HEG1: variants seen among roughly 807,000 people sequenced by gnomAD.
HEG1 encodes the protein heart development protein with EGF like domains 1.
In HEG1, 56 loss-of-function variants were observed where a neutral mutation model predicts 125.6. The observed-to-expected ratio is 0.45, with a 90% confidence interval of 0.36 to 0.56. HEG1 has a LOEUF of 0.56. Among genes scored for constraint, HEG1 ranks in the 20% least tolerant of loss-of-function variants. HEG1 has a pLI of 0.00. For synonymous variants in HEG1, 644 were observed against 668.5 expected, an observed-to-expected ratio of 0.96 and a Z score of 0.57; for missense variants, 1,523 against 1,670.0, an observed-to-expected ratio of 0.91 and a Z score of 1.53.
In HEG1 at chr3:125,013,304, G is replaced by A. The variant is rs769716888; in HGVS notation, c.2275C>T (p.Gln759Ter). The A allele has an allele frequency of 1.2e-6, 2 of 1,614,006 alleles. No homozygotes were observed. The highest frequency in any genetic ancestry group is 1.7e-6 in the Non-Finnish European group (2 of 1,179,882). ...RARETPVTSF[Q>*]TSTMTSFMTM... The stretch of plus-strand genomic sequence containing the variant: ...ATGAATGATGTCATTGTTGATGTCT[G>A]AAATGAAGTCACAGGAGTCTCCCTT... Residue 759 changes from glutamine to a stop codon, truncating the protein, a stop_gained, in exon 6 of 17, where the codon CAG (glutamine) becomes TAG (stop). Transcript: ENST00000311127. LOFTEE classifies it high-confidence loss of function.
At chr3:125,014,843 C>T (rs1470703567) in intron 5 of HEG1, 6 of 1,289,880 alleles carry the variant, frequency 4.7e-6, no homozygotes, top group South Asian at 3.7e-5. Flanking sequence ...CCCCAGAAGT[C>T]GTGCTCATGC....
chr3:125,045,235 C>G (rs753232805), intron 1 of HEG1, among the ~76,000 whole-genome samples: 1 of 152,236 alleles, frequency 6.6e-6, no homozygotes, highest in Non-Finnish European at 1.5e-5. Flanking sequence ...GAAGCACCCA[C>G]TCGGAGAAAA....
At chr3:124,984,417 A>G (rs766481697) in intron 14 of HEG1, among the ~76,000 whole-genome samples, 22 of 152,212 alleles carry the variant, frequency 1.4e-4, no homozygotes, top group Non-Finnish European at 2.5e-4. Context: ...AAAGTAATCT[A>G]GGAGAATTAT....
chr3:124,977,728 A>G lies in HEG1; in HGVS notation c.3821+131T>C, dbSNP rs1294272304. 27 of 480,912 alleles carry G rather than the reference A, an allele frequency of 5.6e-5. No homozygotes were observed. The East Asian group carries it at 9.0e-4, about 16-fold the overall frequency. The allele number at this position is 480,912 out of a possible 1,614,324, so 29.8% of individuals were successfully genotyped here. On this transcript the variant is annotated intron_variant, in intron 15 of 16. Transcript: ENST00000311127. Reference sequence around the variant, plus strand: ...TCGTGAATTCCCTTTCTCCTTTTTTAAAAATGGGTTAGTCACACATTATGG... The same window carrying G: ...TCGTGAATTCCCTTTCTCCTTTTTTGAAAATGGGTTAGTCACACATTATGG...
chr3:124,980,546 T>C (rs904210318), intron 14 of HEG1, among the ~76,000 whole-genome samples: 1 of 152,150 alleles, frequency 6.6e-6, no homozygotes, highest in Non-Finnish European at 1.5e-5. Flanking sequence ...TTACAGACTC[T>C]GGCTCCATTG....
chr3:125,003,629 G>A (rs892995103), intron 9 of HEG1, among the ~76,000 whole-genome samples: 10 of 152,124 alleles, frequency 6.6e-5, no homozygotes, highest in Non-Finnish European at 1.3e-4. Context: ...GGTGGGGTTG[G>A]GTAACATGGT....
In HEG1 at chr3:125,019,408, T is replaced by C; in HGVS notation, c.1442A>G (p.Asn481Ser). The change falls in exon 5 of 17, where the codon AAT becomes AGT. Residue 481 changes from asparagine (N) to serine (S), a missense_variant. Coordinates refer to ENST00000311127, the MANE Select transcript of HEG1 (RefSeq NM_020733.2). ...TGAGAACTGGGTCAACACTGAAGCA[T>C]TCACACCTTCAGGATATGAAGCAGA... Reference protein sequence around the residue: ...GSSASYPEGVNASVLTQFSDS... With the variant: ...GSSASYPEGVSASVLTQFSDS... 2 of 1,614,034 alleles carry C rather than the reference T, an allele frequency of 1.2e-6. No individual in the cohort carries two copies. Among genetic ancestry groups the C allele is most frequent in the Non-Finnish European group, 1.7e-6 (2 of 1,179,882 alleles).
At chr3:125,008,046 AC>A (rs1179324559) in intron 8 of HEG1, among the ~76,000 whole-genome samples, 1 of 152,076 alleles carries the variant, frequency 6.6e-6, no homozygotes, top group African/African-American at 2.4e-5. Context: ...AATAGCTAGG[AC>A]CACAGGTGTG....
At position 125,009,830 on chromosome 3, in the gene HEG1, G is replaced by A. The variant is rs1472261319; in HGVS notation, c.3074-6C>T. 1.2e-6 allele frequency: 2 copies of A among 1,608,402 alleles called. No individual in the cohort carries two copies. The highest frequency in any genetic ancestry group is 8.5e-7 in the Non-Finnish European group (1 of 1,176,442). The stretch of plus-strand genomic sequence containing the variant: ...CGACAGGCACTCATTCACATCTGTA[G>A]AGGAGAAAAAAGAAGAACATCTTGC... On this transcript the variant is annotated splice_region_variant and splice_polypyrimidine_tract_variant and intron_variant, in intron 7 of 16. Transcript: ENST00000311127.
At chr3:124,976,340 C>T (rs1936536314) in intron 15 of HEG1, among the ~76,000 whole-genome samples, 1 of 152,106 alleles carries the variant, frequency 6.6e-6, no homozygotes, top group Non-Finnish European at 1.5e-5. Context: ...GCATGCACCA[C>T]CACACCCAGC....
chr3:125,036,979 G>T (rs2981537), intron 1 of HEG1, among the ~76,000 whole-genome samples: 75,217 of 151,992 alleles, frequency 0.49, 18,990 homozygotes, highest in Middle Eastern at 0.64. Context: ...TATTAGGAAG[G>T]GTGCAAAGTT....
intron 3 of HEG1, among the ~76,000 whole-genome samples, chr3:125,023,776 A>G (rs1263006522): frequency 6.6e-6 from 1 of 152,192 alleles, no homozygotes; most frequent in Non-Finnish European, 1.5e-5. Flanking sequence ...CGGAAAGACC[A>G]TCCATCTGGG....
At chr3:124,997,364 G>A (rs1936937621) in intron 12 of HEG1, among the ~76,000 whole-genome samples, 2 of 151,976 alleles carry the variant, frequency 1.3e-5, no homozygotes, top group African/African-American at 4.8e-5. Context: ...GCAGACAACA[G>A]ATAAAGCTTT....
chr3:125,006,765 T>C (rs1937076543), intron 8 of HEG1, among the ~76,000 whole-genome samples: 1 of 152,174 alleles, frequency 6.6e-6, no homozygotes, highest in African/African-American at 2.4e-5. Context: ...GAAAGATGAT[T>C]GTGAAGGCGA....
At chr3:124,975,764 T>C (rs1211674663) in intron 15 of HEG1, among the ~76,000 whole-genome samples, 1 of 152,258 alleles carries the variant, frequency 6.6e-6, no homozygotes, top group African/African-American at 2.4e-5. Flanking sequence ...ATAAGTCATA[T>C]AAATAGAATC....
intron 1 of HEG1, among the ~76,000 whole-genome samples, chr3:125,039,688 T>C (rs1487059758): frequency 6.6e-6 from 1 of 151,954 alleles, no homozygotes. Context: ...ATATAGCACA[T>C]GGGGAAACTG....
At chr3:125,035,729 T>A (rs76906787) in intron 1 of HEG1, among the ~76,000 whole-genome samples, 3,209 of 152,078 alleles carry the variant, frequency 0.021, 57 homozygotes, top group Non-Finnish European at 0.029. Flanking sequence ...AAAAAATACA[T>A]GTGTGAATAA....
chr3:124,983,482 A>C (rs1307893756), intron 14 of HEG1, among the ~76,000 whole-genome samples: 3 of 148,234 alleles, frequency 2.0e-5, no homozygotes, highest in African/African-American at 7.5e-5. Flanking sequence ...CACTAAGTGC[A>C]TGCCACCATG....
intron 1 of HEG1, among the ~76,000 whole-genome samples, chr3:125,043,705 G>A (rs1453707637): frequency 6.6e-6 from 1 of 152,206 alleles, no homozygotes; most frequent in African/African-American, 2.4e-5. Context: ...CGAAGGCCAA[G>A]GGTGCCAGCG....
Sources: gnomAD v4.1 joint callset for allele counts (sites outside exome capture counted in the v4.1 genomes callset) on GRCh38, gnomAD v4.1.1 for gene constraint, MANE v1.5 for transcripts, NCBI Gene and HGNC (gene_info 2026-07-23, HGNC 2026-07-21) for gene names.